Variants in PDXDC1 observed in about 807,000 individuals in gnomAD.
PDXDC1 encodes the protein pyridoxal-dependent decarboxylase domain-containing protein 1.
A neutral mutation model predicts 100.1 loss-of-function variants in PDXDC1; 42 were observed. The ratio of observed to expected loss-of-function variants is 0.42; its 90% CI spans 0.33 to 0.54. The LOEUF is 0.54. Ranked by LOEUF, PDXDC1 falls within the 20% of genes least tolerant of loss-of-function variation. PDXDC1 has a pLI of 0.10. For synonymous variants in PDXDC1, 260 were observed against 371.7 expected (o/e 0.70, Z 3.46); for missense variants, 636 against 979.2 (o/e 0.65, Z 4.68).
intron 16 of PDXDC1, chr16:15,130,335 A>G: frequency 6.4e-7 from 1 of 1,550,640 alleles, no homozygotes; most frequent in Non-Finnish European, 8.7e-7. Context: ...CCGCCACACC[A>G]CGTCCTCCTC....
chr16:15,072,509 A>T (rs901749357), intron 16 of PDXDC1, among the ~76,000 whole-genome samples: 8 of 152,074 alleles, frequency 5.3e-5, no homozygotes, highest in Non-Finnish European at 1.2e-4. Context: ...GTGTACTGAG[A>T]AGGGAACGTG....
intron 1 of PDXDC1, among the ~76,000 whole-genome samples, chr16:14,982,438 C>T (rs1481999796): frequency 6.6e-5 from 10 of 152,368 alleles, no homozygotes; most frequent in Admixed American, 1.3e-4. Flanking sequence ...GCCTGGCCCA[C>T]GTGGTGAAAC....
intron 16 of PDXDC1, among the ~76,000 whole-genome samples, chr16:15,054,072 G>C (rs1293213838): frequency 5.9e-5 from 9 of 152,142 alleles, no homozygotes; most frequent in African/African-American, 1.7e-4. Context: ...TCCTCACCCG[G>C]GCTGCTCCGG....
chr16:14,981,196 CA>C (rs1333351676), intron 1 of PDXDC1, among the ~76,000 whole-genome samples: 1 of 152,300 alleles, frequency 6.6e-6, no homozygotes, highest in Non-Finnish European at 1.5e-5. Context: ...AAATATAATG[CA>C]AACCTTTACT....
In PDXDC1 at chr16:14,995,498, A is replaced by G. The variant is rs796452891; in HGVS notation, c.22-2255A>G. On this transcript the variant is annotated intron_variant, in intron 1 of 22. Coordinates refer to ENST00000396410, the MANE Select transcript of PDXDC1 (RefSeq NM_015027.4). Reference sequence around the variant, plus strand: ...GCATCCCAGGGATGAAGCCCACTTGATCATGCTGGATAAGCTTTTTCATGT... The same window carrying G: ...GCATCCCAGGGATGAAGCCCACTTGGTCATGCTGGATAAGCTTTTTCATGT... Among the ~76,000 whole-genome samples the G allele has an allele frequency of 4.6e-5, 7 of 152,300 alleles. No homozygotes were observed. In the South Asian group the frequency reaches 1.2e-3, roughly 27 times the overall value.
chr16:15,032,668 A>AAAAAAAAAAAAAAAAAAAAAAAAG (rs57542228), intron 17 of PDXDC1, 193 bp from the exon 18 acceptor site: 9 of 380,198 alleles, frequency 2.4e-5, no homozygotes, highest in South Asian at 3.5e-5. Context: ...AAAAAAAAAA[A>AAAAAAAAAAAAAAAAAAAAAAAAG]AGGCTTTCCT....
chr16:14,995,277 T>C (rs1334117588), intron 1 of PDXDC1, among the ~76,000 whole-genome samples: 32 of 152,276 alleles, frequency 2.1e-4, no homozygotes, highest in African/African-American at 7.7e-4. Flanking sequence ...TGGCTGTGGG[T>C]TTGTCATAGA....
At chr16:14,984,495 A>ATATATATATATATATATTT (rs1555542734) in intron 1 of PDXDC1, among the ~76,000 whole-genome samples, 2 of 73,484 alleles carry the variant, frequency 2.7e-5, no homozygotes, top group African/African-American at 5.0e-5. Flanking sequence ...ATATATATAT[A>ATATATATATATATATATTT]TTTTTTTTTT....
At chr16:15,034,048 A>G (rs528393164) in intron 19 of PDXDC1, 1 of 579,788 alleles carries the variant, frequency 1.7e-6, no homozygotes, top group South Asian at 2.2e-5. Context: ...TGACTTTATG[A>G]CTTCTCTGTT....
chr16:15,020,306 C>A, intron 12 of PDXDC1, among the ~76,000 whole-genome samples: 1 of 152,272 alleles, frequency 6.6e-6, no homozygotes, highest in Non-Finnish European at 1.5e-5. Flanking sequence ...AGTGTCTGTT[C>A]ATATAGTAAG....
chr16:15,041,727 A>C (rs371794878), downstream of PDXDC1: 116 of 1,348,074 alleles, frequency 8.6e-5, no homozygotes, highest in African/African-American at 1.3e-3. Context: ...TCTAGTTACC[A>C]GAACAAACTG....
intron 16 of PDXDC1, among the ~76,000 whole-genome samples, chr16:15,081,041 A>T (rs1397018590): frequency 4.6e-5 from 7 of 152,212 alleles, no homozygotes; most frequent in Admixed American, 1.3e-4. Context: ...TTAGGGTCCA[A>T]TCATGTTGTA....
chr16:15,125,638 G>A (rs895517117), intron 16 of PDXDC1: 21 of 1,223,950 alleles, frequency 1.7e-5, no homozygotes, highest in African/African-American at 1.0e-4. Flanking sequence ...TCCAAGCTGC[G>A]CCAAGGCGGC....
At chr16:15,082,760 A>C (rs2045759457) in intron 16 of PDXDC1, among the ~76,000 whole-genome samples, 1 of 152,102 alleles carries the variant, frequency 6.6e-6, no homozygotes, top group South Asian at 2.1e-4. Flanking sequence ...ATGCTACTAG[A>C]TTCGGTTTTC....
intron 17 of PDXDC1, chr16:15,032,306 A>T (rs945811134): frequency 5.0e-6 from 1 of 198,858 alleles, no homozygotes; most frequent in East Asian, 1.2e-4. Context: ...AGGTGAGGCA[A>T]ACCTCTTTTT....
At chr16:15,009,595 A>C (rs1436445553) in intron 7 of PDXDC1, 86 bp from the exon 8 acceptor site, 2 of 1,572,824 alleles carry the variant, frequency 1.3e-6, no homozygotes, top group Middle Eastern at 1.7e-4. Context: ...TTTGAGAGTT[A>C]TCTGCTTCTT....
At chr16:15,015,055 G>C (rs12597792) in intron 8 of PDXDC1, among the ~76,000 whole-genome samples, 1 of 151,966 alleles carries the variant, frequency 6.6e-6, no homozygotes, top group Non-Finnish European at 1.5e-5. Flanking sequence ...CTCCCGCCTC[G>C]GCCCCGCGAG....
At chr16:15,080,597 TTAA>T (rs2045657927) in intron 16 of PDXDC1, among the ~76,000 whole-genome samples, 1 of 152,096 alleles carries the variant, frequency 6.6e-6, no homozygotes, top group Non-Finnish European at 1.5e-5. Flanking sequence ...CCACATGAGG[TTAA>T]TTTTTCCTTT....
intron 4 of PDXDC1, among the ~76,000 whole-genome samples, chr16:15,003,223 T>TTC (rs1973538294): frequency 6.6e-6 from 1 of 151,174 alleles, no homozygotes; most frequent in African/African-American, 2.4e-5. Flanking sequence ...ATTCTTTTTT[T>TTC]TTTTTTTTTT....
Sources: allele counts gnomAD v4.1 joint callset (sites outside exome capture counted in the v4.1 genomes callset), GRCh38; gene constraint gnomAD v4.1.1; transcripts MANE v1.5; gene names NCBI Gene and HGNC (gene_info 2026-07-23, HGNC 2026-07-21).